TXNDC8: variants seen among roughly 807,000 people sequenced by gnomAD.
TXNDC8 encodes the protein thioredoxin domain-containing protein 8.
In TXNDC8, 15 loss-of-function variants were observed where a neutral mutation model predicts 12.9. The ratio of observed to expected loss-of-function variants is 1.16; its 90% CI spans 0.78 to 1.79. TXNDC8 has a LOEUF of 1.79. TXNDC8 is among the 40% of genes most tolerant of loss of function. TXNDC8 has a pLI of 0.00. For synonymous variants in TXNDC8, 40 were observed against 35.4 expected (o/e 1.13, Z -0.46); for missense variants, 128 against 113.2 (o/e 1.13, Z -0.59).
At chr9:110,304,593 C>A in intron 3 of TXNDC8, 61 bp from the exon 5 acceptor site, 3 of 1,455,236 alleles carry the variant, frequency 2.1e-6, no homozygotes, top group Non-Finnish European at 9.4e-7. Context: ...ACCATCTCCC[C>A]TATAACTGGT....
intron 3 of TXNDC8, chr9:110,323,835 C>T (rs1387963365): frequency 5.8e-6 from 9 of 1,542,388 alleles, no homozygotes; most frequent in Non-Finnish European, 7.9e-6. Context: ...CTCATATCTT[C>T]CCAAATTCAA....
chr9:110,322,949 T>C, intron 3 of TXNDC8: 9 of 985,314 alleles, frequency 9.1e-6, no homozygotes, highest in Non-Finnish European at 1.1e-5. Context: ...ATGAGAAAAA[T>C]ACATGAAGAT....
At chr9:110,310,718 A>G (rs1015012906) in intron 3 of TXNDC8, among the ~76,000 whole-genome samples, 2 of 152,208 alleles carry the variant, frequency 1.3e-5, no homozygotes, top group Non-Finnish European at 2.9e-5. Context: ...AAATTATTGG[A>G]AGCGTAATAT....
At chr9:110,330,797 G>A (rs2118858172) in intron 2 of TXNDC8, among the ~76,000 whole-genome samples, 1 of 152,316 alleles carries the variant, frequency 6.6e-6, no homozygotes, top group East Asian at 1.9e-4. Flanking sequence ...GGCCTGCAAA[G>A]CTGAAAATGT....
At position 110,303,594 on chromosome 9, in the gene TXNDC8, A is replaced by G; in HGVS notation, c.*88T>C. The G allele has an allele frequency of 6.4e-7, 1 of 1,555,266 alleles. No homozygotes were observed. On this transcript the variant is annotated 3_prime_UTR_variant, in exon 5 of 5. Transcript: ENST00000423740. ...ACAAAACTCAAAAATCTGTTCACAA[A>G]TGCACAAAGGTGAAACATTTATTGA...
chr9:110,315,318 G>A (rs187314565), intron 3 of TXNDC8, among the ~76,000 whole-genome samples: 151 of 151,928 alleles, frequency 9.9e-4, no homozygotes, highest in African/African-American at 3.4e-3. Context: ...GGCTGGTCTC[G>A]AACTCCTGAC....
chr9:110,324,881 G>A (rs1310442045), intron 3 of TXNDC8, among the ~76,000 whole-genome samples: 1 of 152,234 alleles, frequency 6.6e-6, no homozygotes, highest in Non-Finnish European at 1.5e-5. Context: ...GGAGGCCAAG[G>A]TGGATGGATC....
chr9:110,312,393 G>T (rs141651781), intron 3 of TXNDC8, among the ~76,000 whole-genome samples: 276 of 152,302 alleles, frequency 1.8e-3, no homozygotes, highest in Non-Finnish European at 2.9e-3. Flanking sequence ...AATCAAATAT[G>T]ACTTATGGAA....
intron 1 of TXNDC8, 64 bp from the exon 2 acceptor site, chr9:110,334,384 A>G (rs1287618201): frequency 4.2e-6 from 6 of 1,423,986 alleles, no homozygotes; most frequent in African/African-American, 1.4e-5. Context: ...TTTTGTAGAG[A>G]AGAAGATGAC....
intron 4 of TXNDC8, among the ~76,000 whole-genome samples, 154 bp downstream of exon 5, chr9:110,304,313 C>T (rs1192977408): frequency 6.6e-6 from 1 of 152,198 alleles, no homozygotes; most frequent in Non-Finnish European, 1.5e-5. Flanking sequence ...CTAGAACTAA[C>T]TTTACTGCCC....
At chr9:110,311,623 G>GTA (rs1838681005) in intron 3 of TXNDC8, among the ~76,000 whole-genome samples, 1 of 69,520 alleles carries the variant, frequency 1.4e-5, no homozygotes, top group Non-Finnish European at 3.1e-5. Context: ...TATAGTAATA[G>GTA]ATATATATAT....
intron 2 of TXNDC8, among the ~76,000 whole-genome samples, chr9:110,328,897 G>A (rs1478343399): frequency 1.3e-5 from 2 of 152,156 alleles, no homozygotes; most frequent in African/African-American, 4.8e-5. Flanking sequence ...GATTTCTATT[G>A]TCTCCCTAGA....
intron 2 of TXNDC8, among the ~76,000 whole-genome samples, chr9:110,330,310 G>C (rs1587988678): frequency 6.6e-6 from 1 of 152,122 alleles, no homozygotes; most frequent in Non-Finnish European, 1.5e-5. Flanking sequence ...CCTGCTTTTA[G>C]ACTTTCCAAT....
At chr9:110,323,531 G>T in intron 3 of TXNDC8, 1 of 205,394 alleles carries the variant, frequency 4.9e-6, no homozygotes, top group Non-Finnish European at 8.8e-6. Flanking sequence ...TGGAAAATGA[G>T]AATTGGAAAC....
chr9:110,322,564 G>A (rs934729957), intron 3 of TXNDC8: 3 of 985,324 alleles, frequency 3.0e-6, no homozygotes, highest in African/African-American at 3.5e-5. Flanking sequence ...TTCCTCAAAA[G>A]CATAGCTTGA....
intron 2 of TXNDC8, among the ~76,000 whole-genome samples, chr9:110,328,955 G>A (rs1730162658): frequency 6.6e-6 from 1 of 152,220 alleles, no homozygotes; most frequent in African/African-American, 2.4e-5. Context: ...AGCAAGTGGT[G>A]AAGAAAACTG....
At chr9:110,337,362 T>C (rs117149770) in intron 1 of TXNDC8, among the ~76,000 whole-genome samples, 3,220 of 152,338 alleles carry the variant, frequency 0.021, 55 homozygotes, top group Non-Finnish European at 0.028. Flanking sequence ...CTGTTCCCAA[T>C]TTTCCCACCC....
intron 3 of TXNDC8, among the ~76,000 whole-genome samples, chr9:110,315,135 T>C (rs1264255280): frequency 6.6e-6 from 1 of 152,182 alleles, no homozygotes; most frequent in East Asian, 1.9e-4. Context: ...TTGGCTCTTG[T>C]TGCCCAGGCT....
intron 1 of TXNDC8, among the ~76,000 whole-genome samples, chr9:110,335,941 G>A (rs546786380): frequency 4.6e-5 from 7 of 152,300 alleles, no homozygotes; most frequent in African/African-American, 1.7e-4. Flanking sequence ...ATCCCCACAT[G>A]TCATGGGAGA....
Sources: gnomAD v4.1 joint callset for allele counts (sites outside exome capture counted in the v4.1 genomes callset) on GRCh38, gnomAD v4.1.1 for gene constraint, MANE v1.5 for transcripts, NCBI Gene and HGNC (gene_info 2026-07-23, HGNC 2026-07-21) for gene names.